Variants in ADGRD1 observed in about 807,000 individuals in gnomAD.
ADGRD1 encodes adhesion G protein-coupled receptor D1, also known as G-protein coupled receptor 133.
A neutral mutation model predicts 113.4 loss-of-function variants in ADGRD1; 77 were observed. The observed-to-expected ratio is 0.68, with a 90% CI of 0.57 to 0.82. The LOEUF (loss-of-function observed/expected upper bound fraction) is 0.82. ADGRD1 is among the 40% of genes least tolerant of loss of function. The probability of loss-of-function intolerance (pLI) is 0.00; values close to 1 mark genes in which losing one functional copy is unlikely to be tolerated. For synonymous variants in ADGRD1, 474 were observed against 475.0 expected, an observed-to-expected ratio of 1.00 and a Z score of 0.03; for missense variants, 1,036 against 1,139.1, an observed-to-expected ratio of 0.91 and a Z score of 1.30.
chr12:130,971,708 A>G lies in ADGRD1; in HGVS notation c.310+128A>G. ...TGCAGAATGCGTGAGAATGTCAACG[A>G]TGGATCGGAGGGCAGGGGAGGGAGG... On this transcript the variant is annotated intron_variant, in intron 4 of 24. Coordinates refer to ENST00000261654, the MANE Select transcript of ADGRD1 (RefSeq NM_198827.5). This position sits in a 1 kb window ranked among gnomAD's most constrained non-coding sequence, Gnocchi z 4.2. 2.2e-6 allele frequency: 2 copies of G among 928,948 alleles called. No homozygotes were observed. Among genetic ancestry groups the G allele is most frequent in the Non-Finnish European group, 3.1e-6 (2 of 645,284 alleles). 57.5% of individuals were successfully genotyped at this position (928,948 alleles called of 1,614,324 possible). A position where few individuals can be genotyped will look rare whatever the true frequency, so the allele number is the denominator to read the frequency against.
At chr12:130,975,909 G>A (rs1443139431) in intron 4 of ADGRD1, among the ~76,000 whole-genome samples, 2 of 152,112 alleles carry the variant, frequency 1.3e-5, no homozygotes, top group South Asian at 2.1e-4. Flanking sequence ...CCTGGGAAAG[G>A]CAGCCTCCCC....
Position 130,965,055 on chromosome 12 carries a change from G to A in ADGRD1, c.104-1408G>A, listed in dbSNP as rs1024629780. Among the ~76,000 whole-genome samples the A allele has an allele frequency of 5.9e-5, 9 of 152,006 alleles. No homozygotes were observed. The highest frequency in any genetic ancestry group is 2.2e-4 in the African/African-American group (9 of 41,384). Reference sequence around the variant, plus strand: ...AGGTTGAATCCTTCATGCATTCGAGGGTGCTTTCACATCCCTCAGAATTAT... The same window carrying A: ...AGGTTGAATCCTTCATGCATTCGAGAGTGCTTTCACATCCCTCAGAATTAT... On this transcript the variant is annotated intron_variant, in intron 2 of 24. Transcript: ENST00000261654. This position sits in a 1 kb window ranked among gnomAD's most constrained non-coding sequence, Gnocchi z 4.8.
At position 131,057,567 on chromosome 12, in the gene ADGRD1, C is replaced by T. The variant is rs927257922; in HGVS notation, c.1474-19234C>T. 1.3e-4 allele frequency among the ~76,000 whole-genome samples: 20 copies of T among 152,172 alleles called. No individual in the cohort carries two copies. The highest frequency in any genetic ancestry group is 4.8e-4 in the African/African-American group (20 of 41,432). On this transcript the variant is annotated intron_variant, in intron 13 of 24. Coordinates refer to ENST00000261654, the MANE Select transcript of ADGRD1 (RefSeq NM_198827.5). This position sits in a 1 kb window ranked among gnomAD's most constrained non-coding sequence, Gnocchi z 4.2. ...GTCTCCTAGTAGTCCTGGCCTGCGG[C>T]AGCCAACTCCAGTCTCTGCCCCGTC...
chr12:131,039,970 C>G (rs986944771), intron 13 of ADGRD1, among the ~76,000 whole-genome samples: 1 of 152,204 alleles, frequency 6.6e-6, no homozygotes, highest in South Asian at 2.1e-4. Flanking sequence ...CATTCTGTCC[C>G]TGTTTTATGA....
At position 130,983,712 on chromosome 12, in the gene ADGRD1, C is replaced by T. The variant is rs369978178; in HGVS notation, c.490+1649C>T. On this transcript the variant is annotated intron_variant, in intron 5 of 24. Transcript: ENST00000261654. Reference sequence around the variant, plus strand: ...GACCAACCTAGGGTCCAAGCGTGCTCCAGAGACTCAAAATTATCAGAAAGT... The same window carrying T: ...GACCAACCTAGGGTCCAAGCGTGCTTCAGAGACTCAAAATTATCAGAAAGT... Among the ~76,000 whole-genome samples the T allele has an allele frequency of 5.3e-5, 8 of 152,262 alleles. No homozygotes were observed. The South Asian group carries it at 1.0e-3, about 20-fold the overall frequency.
intron 13 of ADGRD1, among the ~76,000 whole-genome samples, chr12:131,043,384 A>G (rs1882339940): frequency 6.6e-6 from 1 of 152,204 alleles, no homozygotes; most frequent in Non-Finnish European, 1.5e-5. Context: ...GGGCCCCTGG[A>G]CTGACAGGGG....
intron 15 of ADGRD1, among the ~76,000 whole-genome samples, chr12:131,098,169 C>T (rs113748144): frequency 2.1e-4 from 15 of 71,434 alleles, no homozygotes; most frequent in South Asian, 8.0e-4. Flanking sequence ...TTCCTTCTCC[C>T]GCAGTGGCTG....
intron 2 of ADGRD1, chr12:130,957,395 TCA>T (rs1409080280): frequency 1.3e-5 from 2 of 150,992 alleles, no homozygotes; most frequent in Admixed American, 6.6e-5. Flanking sequence ...ACACACATGC[TCA>T]CACACGTACA....
rs754374268 is a variant in ADGRD1, at chr12:131,084,586, G to C, written c.1594G>C (p.Gly532Arg). The C allele has an allele frequency of 6.2e-7, 1 of 1,614,102 alleles. No homozygotes were observed. The highest frequency in any genetic ancestry group is 8.5e-7 in the Non-Finnish European group (1 of 1,180,004). The change falls in exon 15 of 25, where the codon GGA becomes CGA. Residue 532 changes from glycine to arginine, a missense_variant. Transcript: ENST00000261654. The surrounding 1 kb of genome is among the most constrained non-coding windows in gnomAD (Gnocchi z 4.5). ...GAACCACGGCTGTGCGCTCACGAGA[G>C]GAAACCTCACCTACTCCGTCTGCCG... is the stretch of plus-strand genomic sequence containing the variant. ...WSNHGCALTR[G>R]NLTYSVCRCT...
chr12:131,125,251 C>T (rs571285588), intron 20 of ADGRD1, among the ~76,000 whole-genome samples: 15 of 152,124 alleles, frequency 9.9e-5, no homozygotes, highest in Non-Finnish European at 1.9e-4. Context: ...TAGTTCAGCC[C>T]ATAACGCCTG....
chr12:131,049,256 C>T (rs1050972666), intron 13 of ADGRD1, among the ~76,000 whole-genome samples: 3 of 152,182 alleles, frequency 2.0e-5, no homozygotes, highest in Admixed American at 6.5e-5. Context: ...GGCTGCATGC[C>T]GCACATATGG....
At chr12:131,036,738 GGGGCCTCACTCACTGCACC>G (rs1418359056) in intron 13 of ADGRD1, among the ~76,000 whole-genome samples, 86 of 79,630 alleles carry the variant, frequency 1.1e-3, no homozygotes, top group African/African-American at 2.6e-3. Flanking sequence ...CTCACTGCAT[GGGGCCTCACTCACTGCACC>G]GGGCCTCACT....
In ADGRD1 at chr12:131,084,062, G is replaced by C. The variant is rs1382069027; in HGVS notation, c.1548-478G>C. Among the ~76,000 whole-genome samples the C allele has an allele frequency of 6.6e-6, 1 of 152,188 alleles. No homozygotes were observed. Among genetic ancestry groups the C allele is most frequent in the Admixed American group, 6.5e-5 (1 of 15,280 alleles). ...AGGATGTTCTTTTTAACCGATGCGA[G>C]GTCTTTTATCATATTTCTCTCTCCC... On this transcript the variant is annotated intron_variant, in intron 14 of 24. Transcript: ENST00000261654. The surrounding 1 kb of genome is among the most constrained non-coding windows in gnomAD (Gnocchi z 4.5).
At chr12:131,099,932 AT>A (rs1234424049) in intron 15 of ADGRD1, among the ~76,000 whole-genome samples, 1 of 152,070 alleles carries the variant, frequency 6.6e-6, no homozygotes, top group African/African-American at 2.4e-5. Flanking sequence ...AAGAGACTTG[AT>A]TGATGGTGGG....
intron 18 of ADGRD1, among the ~76,000 whole-genome samples, chr12:131,111,905 TC>T: frequency 6.6e-6 from 1 of 152,190 alleles, no homozygotes; most frequent in South Asian, 2.1e-4. Context: ...TTTTGAAGTC[TC>T]TTTTTTTTTG....
chr12:131,128,476 C>T (rs544391126), intron 20 of ADGRD1, among the ~76,000 whole-genome samples: 1 of 152,178 alleles, frequency 6.6e-6, no homozygotes, highest in Non-Finnish European at 1.5e-5. Context: ...CCGTCATTCA[C>T]AGGAAATGGG....
chr12:131,123,003 C>A, intron 20 of ADGRD1, among the ~76,000 whole-genome samples: 1 of 146,634 alleles, frequency 6.8e-6, no homozygotes, highest in South Asian at 2.2e-4. Context: ...ACAGAATGAG[C>A]CCTCAAACTC....
intron 5 of ADGRD1, among the ~76,000 whole-genome samples, 154 bp downstream of exon 5, chr12:130,982,217 G>T (rs538839355): frequency 6.6e-6 from 1 of 152,298 alleles, no homozygotes; most frequent in Admixed American, 6.5e-5. Flanking sequence ...TGTTGGGGAG[G>T]TGCATGGGGA....
intron 6 of ADGRD1, 102 bp downstream of exon 6, chr12:130,987,451 C>G (rs529510582): frequency 3.7e-6 from 5 of 1,352,220 alleles, no homozygotes; most frequent in Non-Finnish European, 4.1e-6. Context: ...GCTATCAGCA[C>G]TGCAGGCGTG....
Sources: allele counts gnomAD v4.1 joint callset (sites outside exome capture counted in the v4.1 genomes callset), GRCh38; gene constraint gnomAD v4.1.1; non-coding constraint Gnocchi (gnomAD v3.1); transcripts MANE v1.5; gene names NCBI Gene and HGNC (gene_info 2026-07-23, HGNC 2026-07-21).